Variants in SHISA9 observed in about 807,000 individuals in gnomAD.
The protein encoded by SHISA9 is shisa family member 9, also known as protein shisa-9.
SHISA9 carries 13 observed loss-of-function variants against 38.0 expected under a neutral mutation model. The ratio of observed to expected loss-of-function variants is 0.34; its 90% CI spans 0.22 to 0.54. SHISA9 has a LOEUF of 0.54. Among genes scored for constraint, SHISA9 ranks in the 20% least tolerant of loss-of-function variants. The pLI, the probability that SHISA9 is intolerant of heterozygous loss-of-function variation, is 0.91. For synonymous variants in SHISA9, 275 were observed against 242.0 expected, an observed-to-expected ratio of 1.14 and a Z score of -1.27; for missense variants, 538 against 575.8, an observed-to-expected ratio of 0.93 and a Z score of 0.67.
intron 2 of SHISA9, among the ~76,000 whole-genome samples, chr16:13,111,865 C>T (rs1449072784): frequency 1.3e-5 from 2 of 152,148 alleles, no homozygotes; most frequent in African/African-American, 4.8e-5. Flanking sequence ...GCCATCTGGT[C>T]TTCAGTTATC....
chr16:13,477,683 G>T, the SHISA9 span, among the ~76,000 whole-genome samples: 1 of 152,304 alleles, frequency 6.6e-6, no homozygotes, highest in East Asian at 1.9e-4. Flanking sequence ...GGCTATATTG[G>T]GCCAGGCGCG....
At chr16:13,351,269 C>T in the SHISA9 span, among the ~76,000 whole-genome samples, 1 of 152,110 alleles carries the variant, frequency 6.6e-6, no homozygotes, top group Non-Finnish European at 1.5e-5. Context: ...GACCCAAAGG[C>T]CCCCAGACAG....
At chr16:13,463,953 T>G in the SHISA9 span, among the ~76,000 whole-genome samples, 1 of 152,256 alleles carries the variant, frequency 6.6e-6, no homozygotes, top group Non-Finnish European at 1.5e-5. Context: ...AAAAATTTTT[T>G]CCTAGTTACG....
the SHISA9 span, among the ~76,000 whole-genome samples, chr16:13,344,531 C>G: frequency 2.6e-5 from 4 of 152,196 alleles, no homozygotes; most frequent in East Asian, 7.7e-4. Flanking sequence ...CAGATCCTTG[C>G]AATATGTTTT....
At chr16:13,005,792 G>A (rs893553867) in intron 2 of SHISA9, among the ~76,000 whole-genome samples, 1 of 152,150 alleles carries the variant, frequency 6.6e-6, no homozygotes, top group Non-Finnish European at 1.5e-5. Flanking sequence ...GTGAATATTG[G>A]TGAGGGTAAA....
At chr16:13,073,317 GA>G (rs1567202979) in intron 2 of SHISA9, among the ~76,000 whole-genome samples, 1 of 151,426 alleles carries the variant, frequency 6.6e-6, no homozygotes, top group African/African-American at 2.4e-5. Flanking sequence ...TCAGGTGGTC[GA>G]GGATGAAAAG....
the SHISA9 span, among the ~76,000 whole-genome samples, chr16:13,362,458 C>CA: frequency 6.6e-6 from 1 of 151,692 alleles, no homozygotes; most frequent in Non-Finnish European, 1.5e-5. Context: ...AACAAACAAA[C>CA]AAAAAAACAA....
At chr16:13,257,940 C>A in the SHISA9 span, among the ~76,000 whole-genome samples, 1 of 152,302 alleles carries the variant, frequency 6.6e-6, no homozygotes, top group Non-Finnish European at 1.5e-5. Context: ...AAGCATCCTT[C>A]GCTAAATAAA....
chr16:13,218,152 G>C (rs534144438), intron 4 of SHISA9, among the ~76,000 whole-genome samples: 1 of 152,290 alleles, frequency 6.6e-6, no homozygotes, highest in South Asian at 2.1e-4. Flanking sequence ...AACCGCAAAA[G>C]AAAAGTACGT....
the SHISA9 span, among the ~76,000 whole-genome samples, chr16:13,338,185 G>A: frequency 6.6e-6 from 1 of 152,312 alleles, no homozygotes; most frequent in Non-Finnish European, 1.5e-5. Context: ...AGAGCTGAGG[G>A]ATGGTAAGCA....
chr16:12,960,760 T>A (rs975417951), intron 2 of SHISA9, among the ~76,000 whole-genome samples: 1 of 152,144 alleles, frequency 6.6e-6, no homozygotes, highest in Non-Finnish European at 1.5e-5. Context: ...TGTCCTCCCT[T>A]TTCTTCCAGT....
chr16:13,105,747 GC>G (rs1267775905), intron 2 of SHISA9, among the ~76,000 whole-genome samples: 1 of 152,326 alleles, frequency 6.6e-6, no homozygotes, highest in South Asian at 2.1e-4. Context: ...GCTGCCAGGG[GC>G]TGACAGACTC....
At chr16:13,260,659 T>C in the SHISA9 span, among the ~76,000 whole-genome samples, 3 of 152,062 alleles carry the variant, frequency 2.0e-5, no homozygotes, top group East Asian at 5.8e-4. Flanking sequence ...ATTCAATGAG[T>C]CTCTAGGAAG....
the SHISA9 span, among the ~76,000 whole-genome samples, chr16:13,408,706 C>T: frequency 6.6e-6 from 1 of 152,186 alleles, no homozygotes; most frequent in Admixed American, 6.5e-5. Flanking sequence ...CTAACTTTTG[C>T]CTTCATACAT....
At chr16:13,126,976 GGAGAGA>G (rs547504510) in intron 2 of SHISA9, among the ~76,000 whole-genome samples, 1 of 139,582 alleles carries the variant, frequency 7.2e-6, no homozygotes, top group East Asian at 2.3e-4. Context: ...AATGAGAGAA[GGAGAGA>G]GAGAGAGGGA....
At chr16:13,324,728 A>G in the SHISA9 span, among the ~76,000 whole-genome samples, 3 of 152,338 alleles carry the variant, frequency 2.0e-5, no homozygotes, top group African/African-American at 7.2e-5. Context: ...ATTAAGGACC[A>G]TAGCCCGTGA....
chr16:13,412,677 C>T, the SHISA9 span, among the ~76,000 whole-genome samples: 1 of 151,822 alleles, frequency 6.6e-6, no homozygotes, highest in Non-Finnish European at 1.5e-5. Context: ...GCCAACATGG[C>T]AAAACCCCAT....
At chr16:13,297,426 G>A in the SHISA9 span, among the ~76,000 whole-genome samples, 1 of 152,184 alleles carries the variant, frequency 6.6e-6, no homozygotes, top group South Asian at 2.1e-4. Flanking sequence ...CTGTGGTTGA[G>A]GTTTCCTTTA....
the SHISA9 span, among the ~76,000 whole-genome samples, chr16:13,306,496 C>T: frequency 3.3e-5 from 5 of 152,028 alleles, no homozygotes; most frequent in African/African-American, 7.2e-5. Flanking sequence ...TATCATTGTG[C>T]AACAAAACTT....
Sources: gnomAD v4.1 joint callset for allele counts (sites outside exome capture counted in the v4.1 genomes callset) on GRCh38, gnomAD v4.1.1 for gene constraint, MANE v1.5 for transcripts, NCBI Gene and HGNC (gene_info 2026-07-23, HGNC 2026-07-21) for gene names.